ADD2: variants seen among roughly 807,000 people sequenced by gnomAD.
ADD2 encodes adducin 2.
ADD2 carries 23 observed loss-of-function variants against 83.0 expected under a neutral mutation model. The observed-to-expected ratio is 0.28, with a 90% CI of 0.20 to 0.39. ADD2 has a LOEUF of 0.39. ADD2 is among the 10% of genes least tolerant of loss of function. ADD2 has a pLI of 1.00. For missense variants in ADD2, 758 were observed against 944.9 expected (o/e 0.80, Z 2.59); for synonymous variants, 375 against 375.4 (o/e 1.00, Z 0.01).
rs1175412897 is a variant in ADD2, at chr2:70,662,093, A to G, written c.*1332T>C. 1 of 152,252 alleles carries G rather than the reference A, an allele frequency of 6.6e-6. No individual in the cohort carries two copies. The highest frequency in any genetic ancestry group is 2.4e-5 in the African/African-American group (1 of 41,462). The allele number at this position is 152,252 out of a possible 1,614,324, so 9.4% of individuals were successfully genotyped here. A position where few individuals can be genotyped will look rare whatever the true frequency, so the allele number is the denominator to read the frequency against. ...TTTCAAAAATATTTTCACGATAGTC[A>G]GATCAAAAGGAAAAATATTCTTTCA... On this transcript the variant is annotated 3_prime_UTR_variant, in exon 16 of 16. Transcript: ENST00000264436.
At chr2:70,691,224 CA>C (rs1310678123) in intron 7 of ADD2, among the ~76,000 whole-genome samples, 1 of 152,156 alleles carries the variant, frequency 6.6e-6, no homozygotes, top group Non-Finnish European at 1.5e-5. Flanking sequence ...CTGCCCCTCC[CA>C]CTCCCCCCAC....
intron 1 of ADD2, among the ~76,000 whole-genome samples, chr2:70,735,674 C>T (rs527654840): frequency 2.0e-5 from 3 of 151,772 alleles, no homozygotes; most frequent in African/African-American, 7.2e-5. Context: ...CCATGTTCAC[C>T]TCTCCTTCCA....
At chr2:70,727,881 G>C (rs1238527516) in intron 1 of ADD2, among the ~76,000 whole-genome samples, 2 of 147,504 alleles carry the variant, frequency 1.4e-5, no homozygotes, top group African/African-American at 2.5e-5. Flanking sequence ...GGGCGACAGA[G>C]GGAGACTCTG....
At position 70,744,761 on chromosome 2, in the gene ADD2, A is replaced by G. The variant is rs1553381681; in HGVS notation, c.-154+23125T>C. Among the ~76,000 whole-genome samples, 3 of 152,214 alleles carry G rather than the reference A, an allele frequency of 2.0e-5. No individual in the cohort carries two copies. In the East Asian group the frequency reaches 5.8e-4, roughly 29 times the overall value. ...CTCACACTGAAAAATAGAATAGGGG[A>G]TGGGTCACTAGTGGGCGTGTGGGGG... On this transcript the variant is annotated intron_variant, in intron 1 of 15. Transcript: ENST00000264436.
intron 1 of ADD2, among the ~76,000 whole-genome samples, chr2:70,723,093 T>C (rs1441594374): frequency 6.6e-6 from 1 of 152,154 alleles, no homozygotes; most frequent in Admixed American, 6.5e-5. Flanking sequence ...AGGGAATTGG[T>C]TCCACCATAC....
At chr2:70,675,508 C>T in intron 13 of ADD2, 2 of 985,460 alleles carry the variant, frequency 2.0e-6, no homozygotes, top group Non-Finnish European at 2.4e-6. Flanking sequence ...CCGGCCCTTA[C>T]ATAAGCTTCA....
intron 1 of ADD2, among the ~76,000 whole-genome samples, chr2:70,734,825 G>A (rs1673446422): frequency 6.6e-6 from 1 of 152,120 alleles, no homozygotes; most frequent in Non-Finnish European, 1.5e-5. Context: ...AGCTTGCATT[G>A]CACCTATTTG....
intron 1 of ADD2, among the ~76,000 whole-genome samples, chr2:70,742,867 A>G (rs1019818496): frequency 6.6e-6 from 1 of 152,026 alleles, no homozygotes; most frequent in Non-Finnish European, 1.5e-5. Flanking sequence ...TCTTAATGTT[A>G]TGTTTTTTTA....
intron 8 of ADD2, 117 bp downstream of exon 8, chr2:70,690,665 ATCTT>A (rs1440045609): frequency 8.4e-7 from 1 of 1,184,458 alleles, no homozygotes; most frequent in Non-Finnish European, 1.2e-6. Context: ...TGGGATAGAG[ATCTT>A]TCTTTTTTTT....
chr2:70,731,681 T>A (rs1297858617), intron 1 of ADD2, among the ~76,000 whole-genome samples: 2 of 152,190 alleles, frequency 1.3e-5, no homozygotes, highest in African/African-American at 4.8e-5. Flanking sequence ...CCAATGATCA[T>A]GTGTGGCTGC....
rs545640385 is a variant in ADD2, at chr2:70,662,519, G to C, written c.*906C>G. On this transcript the variant is annotated 3_prime_UTR_variant, in exon 16 of 16. Transcript: ENST00000264436. ...AGGCAGGTACAGTGCATTGCTCCAG[G>C]TGTCATGCAAAGCTAGAAAGTCAGC... 3.9e-5 allele frequency: 6 copies of C among 152,330 alleles called. No individual in the cohort carries two copies. In the East Asian group the frequency reaches 1.2e-3, roughly 29 times the overall value. 9.4% of individuals were successfully genotyped at this position (152,330 alleles called of 1,614,324 possible).
chr2:70,705,834 T>G (rs1218159846), intron 3 of ADD2, among the ~76,000 whole-genome samples: 2 of 152,106 alleles, frequency 1.3e-5, no homozygotes, highest in African/African-American at 4.8e-5. Context: ...CTTTGTGGTG[T>G]TCAGTAAAGG....
Position 70,768,092 on chromosome 2 carries a change from G to T in ADD2, c.-360C>A. 1 of 917,692 alleles carries T rather than the reference G, an allele frequency of 1.1e-6. No individual in the cohort carries two copies. 56.8% of individuals were successfully genotyped at this position (917,692 alleles called of 1,614,324 possible). A position where few individuals can be genotyped will look rare whatever the true frequency, so the allele number is the denominator to read the frequency against. On this transcript the variant is annotated 5_prime_UTR_variant, in exon 1 of 16. Coordinates refer to ENST00000264436, the MANE Select transcript of ADD2 (RefSeq NM_001617.4). ...GGCTCCGCGGCGGCGGGGATGACTG[G>T]CCACCGACGCCGCAGTTCCTTGACA... is the stretch of plus-strand genomic sequence containing the variant.
At chr2:70,740,746 C>T (rs554453289) in intron 1 of ADD2, among the ~76,000 whole-genome samples, 1 of 152,096 alleles carries the variant, frequency 6.6e-6, no homozygotes, top group Non-Finnish European at 1.5e-5. Context: ...GTTACCCAGG[C>T]TGGAGTACAC....
At position 70,696,349 on chromosome 2, in the gene ADD2, G is replaced by A. The variant is rs1553372707; in HGVS notation, c.370C>T (p.Leu124=). 3 of 1,614,068 alleles carry A rather than the reference G, an allele frequency of 1.9e-6. No homozygotes were observed. Among genetic ancestry groups the A allele is most frequent in the Non-Finnish European group, 2.5e-6 (3 of 1,180,052 alleles). Residue 124 remains leucine (L), a synonymous_variant, in exon 5 of 16, where the codon CTG becomes TTG. Transcript: ENST00000264436. ...AGCCGCTCCCCTTTGGCCAGGTTCA[G>A]GGAGTCAGCTGTGTGGAGGTCATTG... is the stretch of plus-strand genomic sequence containing the variant. The part of the protein sequence containing the change: ...PINDLHTADS[L]NLAKGERLMR...
chr2:70,663,761 C>T (rs782771896), intron 15 of ADD2, 26 bp from the exon 16 acceptor site: 26 of 1,596,108 alleles, frequency 1.6e-5, no homozygotes, highest in Non-Finnish European at 2.2e-5. Flanking sequence ...AAGATATGAC[C>T]TGTAAGATTT....
At chr2:70,713,033 C>T in intron 2 of ADD2, 33 bp downstream of exon 2, 6 of 945,242 alleles carry the variant, frequency 6.3e-6, no homozygotes, top group Non-Finnish European at 7.6e-6. Context: ...TGTGCATCAC[C>T]CCCGTCACCA....
Position 70,707,533 on chromosome 2 carries a change from G to A in ADD2, c.-34-1091C>T, listed in dbSNP as rs118100132. Among the ~76,000 whole-genome samples the A allele has an allele frequency of 2.7e-3, 340 of 128,298 alleles. 6 individuals are homozygous for A. The East Asian group carries it at 0.058, about 22-fold the overall frequency. 84.2% of individuals were successfully genotyped at this position (128,298 alleles called of 152,430 possible). On this transcript the variant is annotated intron_variant, in intron 2 of 15. Transcript: ENST00000264436. ...TTCTGAAGAGTAAGCCTGCAGTTCC[G>A]GGCTTCACTTCCCGGCAGTGGGAAT...
chr2:70,693,202 C>T (rs1671138952), intron 6 of ADD2, among the ~76,000 whole-genome samples: 1 of 152,146 alleles, frequency 6.6e-6, no homozygotes, highest in Non-Finnish European at 1.5e-5. Flanking sequence ...AAACAGAACT[C>T]TCTCTCAAAT....
Sources: allele counts gnomAD v4.1 joint callset (sites outside exome capture counted in the v4.1 genomes callset), GRCh38; gene constraint gnomAD v4.1.1; transcripts MANE v1.5; gene names NCBI Gene and HGNC (gene_info 2026-07-23, HGNC 2026-07-21).